SHISAL1: variants seen among roughly 807,000 people sequenced by gnomAD.
SHISAL1 encodes shisa like 1.
SHISAL1 carries 9 observed loss-of-function variants against 22.6 expected under a neutral mutation model. That is an observed-to-expected ratio of 0.40 (90% CI 0.24 to 0.70). The LOEUF is 0.70. Among genes scored for constraint, SHISAL1 ranks in the 30% least tolerant of loss-of-function variants. The probability of loss-of-function intolerance (pLI) is 0.39; values close to 1 mark genes in which losing one functional copy is unlikely to be tolerated. For synonymous variants in SHISAL1, 119 were observed against 115.4 expected (o/e 1.03, Z -0.20); for missense variants, 246 against 270.6 (o/e 0.91, Z 0.64).
At chr22:44,299,311 A>G (rs2055409648) in intron 2 of SHISAL1, among the ~76,000 whole-genome samples, 1 of 152,218 alleles carries the variant, frequency 6.6e-6, no homozygotes, top group Non-Finnish European at 1.5e-5. Flanking sequence ...CTGTGTGCAC[A>G]GCTCCACGTA....
chr22:44,296,251 C>T (rs1053046876), intron 3 of SHISAL1, among the ~76,000 whole-genome samples: 2 of 151,748 alleles, frequency 1.3e-5, no homozygotes, highest in Non-Finnish European at 1.5e-5. Context: ...CCTCTGCCTC[C>T]TGGGTTCAAG....
At chr22:44,306,078 G>C (rs2055469637) in intron 1 of SHISAL1, among the ~76,000 whole-genome samples, 1 of 152,242 alleles carries the variant, frequency 6.6e-6, no homozygotes, top group South Asian at 2.1e-4. Context: ...AGCTAGGTCA[G>C]AAAGCTACTT....
intron 4 of SHISAL1, among the ~76,000 whole-genome samples, chr22:44,253,858 A>C (rs937857345): frequency 2.2e-4 from 28 of 129,352 alleles, no homozygotes; most frequent in African/African-American, 8.4e-4. Context: ...GTGTGTGTAA[A>C]ACACAGTCTA....
At chr22:44,308,038 A>T (rs2055491766) in intron 1 of SHISAL1, among the ~76,000 whole-genome samples, 1 of 152,180 alleles carries the variant, frequency 6.6e-6, no homozygotes, top group Non-Finnish European at 1.5e-5. Flanking sequence ...CCACTGCAGG[A>T]CTGGGTCTAG....
chr22:44,313,193 A>G (rs1404301683), upstream of SHISAL1, among the ~76,000 whole-genome samples: 2 of 152,268 alleles, frequency 1.3e-5, no homozygotes, highest in Non-Finnish European at 2.9e-5. Context: ...TAGAAGCAGC[A>G]GGGGCTTAGA....
rs1296969171 is a variant in SHISAL1 at position 44,312,927 on chromosome 22, C to G, written c.-209G>C. On this transcript the variant is annotated 5_prime_UTR_variant, in exon 1 of 5. Coordinates refer to ENST00000381176, the MANE Select transcript of SHISAL1 (RefSeq NM_001099294.2). ...AGTGTTTTCCAGCGCAGGCTGGCCTCTGTGTGCTGACAAGAATTCAGTGTG... is the reference window on the plus strand; with the variant it reads ...AGTGTTTTCCAGCGCAGGCTGGCCTGTGTGTGCTGACAAGAATTCAGTGTG... 1 of 152,400 alleles carries G rather than the reference C, an allele frequency of 6.6e-6. No individual in the cohort carries two copies. Among genetic ancestry groups the G allele is most frequent in the Non-Finnish European group, 1.5e-5 (1 of 68,148 alleles). The allele number at this position is 152,400 out of a possible 1,614,324, so 9.4% of individuals were successfully genotyped here. A position where few individuals can be genotyped will look rare whatever the true frequency, so the allele number is the denominator to read the frequency against.
intron 1 of SHISAL1, among the ~76,000 whole-genome samples, chr22:44,306,050 G>A (rs776264599): frequency 2.0e-5 from 3 of 152,230 alleles, no homozygotes; most frequent in Non-Finnish European, 4.4e-5. Context: ...AAGCTTAGAA[G>A]CCAACCTCCC....
chr22:44,312,294 C>A (rs974879102), intron 1 of SHISAL1, among the ~76,000 whole-genome samples: 1 of 152,140 alleles, frequency 6.6e-6, no homozygotes, highest in Non-Finnish European at 1.5e-5. Context: ...TCGAACAGAC[C>A]CACCTCACCC....
chr22:44,299,895 G>GAGAGAC (rs377363593), intron 2 of SHISAL1, among the ~76,000 whole-genome samples: 1 of 151,814 alleles, frequency 6.6e-6, no homozygotes, highest in African/African-American at 2.4e-5. Flanking sequence ...GACAGAGACA[G>GAGAGAC]AGAGACAGAG....
At chr22:44,298,983 G>A (rs944735309) in intron 2 of SHISAL1, among the ~76,000 whole-genome samples, 5 of 152,208 alleles carry the variant, frequency 3.3e-5, no homozygotes, top group African/African-American at 1.2e-4. Context: ...GGCTGCCTGG[G>A]CCATCGTGAC....
In SHISAL1 at chr22:44,285,548, T is replaced by C; in HGVS notation, c.479A>G (p.Gln160Arg). The change falls in exon 4 of 5, where the codon CAG becomes CGG. Residue 160 changes from glutamine to arginine, a missense_variant. Gln to Arg is a conservative substitution (Grantham distance 43). This residue lies in a region of SHISAL1 where 136 missense variants were observed against 117.5 expected (regional missense o/e 1.16). Coordinates refer to ENST00000381176, the MANE Select transcript of SHISAL1 (RefSeq NM_001099294.2). ...GGGAGGCTGCGGCTGTGGGGCCCGC[T>C]GACCCGGCCGAGGGGCCCGAGCGGG... ...GNPARAPRPG[Q>R]RAPQPQPPPG... 6.5e-7 allele frequency: 1 copy of C among 1,538,494 alleles called. No individual in the cohort carries two copies. Among genetic ancestry groups the C allele is most frequent in the Non-Finnish European group, 9.0e-7 (1 of 1,114,836 alleles).
chr22:44,304,216 G>A (rs2055454142), intron 1 of SHISAL1, among the ~76,000 whole-genome samples: 1 of 152,224 alleles, frequency 6.6e-6, no homozygotes, highest in South Asian at 2.1e-4. Flanking sequence ...ACTGGGGGCA[G>A]AGTTAGGGCT....
upstream of SHISAL1, among the ~76,000 whole-genome samples, chr22:44,317,274 G>A (rs1221521936): frequency 6.6e-6 from 1 of 152,240 alleles, no homozygotes; most frequent in Admixed American, 6.5e-5. Flanking sequence ...TGGATCAGCT[G>A]CTGCACCGAC....
intron 3 of SHISAL1, among the ~76,000 whole-genome samples, chr22:44,295,057 G>C (rs890884351): frequency 1.3e-5 from 2 of 152,100 alleles, no homozygotes; most frequent in African/African-American, 4.8e-5. Context: ...GATTTTTTTG[G>C]GGGGAGGTAG....
intron 1 of SHISAL1, among the ~76,000 whole-genome samples, chr22:44,304,007 G>T (rs189889580): frequency 8.5e-5 from 13 of 152,214 alleles, no homozygotes; most frequent in African/African-American, 3.1e-4. Context: ...CAGACCACAC[G>T]TTTCTGAAAG....
At chr22:44,328,821 G>C in the SHISAL1 span, among the ~76,000 whole-genome samples, 1 of 151,916 alleles carries the variant, frequency 6.6e-6, no homozygotes, top group Non-Finnish European at 1.5e-5. Context: ...CAAGCTGGGG[G>C]TAGTGTTGTC....
intron 4 of SHISAL1, among the ~76,000 whole-genome samples, chr22:44,273,974 T>A (rs112206711): frequency 0.019 from 2,960 of 152,134 alleles, 106 homozygotes; most frequent in African/African-American, 0.068. Context: ...TTCTAGCACT[T>A]TGGGAGGCTG....
At chr22:44,323,992 A>G in the SHISAL1 span, among the ~76,000 whole-genome samples, 1 of 152,252 alleles carries the variant, frequency 6.6e-6, no homozygotes, top group African/African-American at 2.4e-5. Context: ...ATGAGGAAAC[A>G]GGCTCAGAGA....
Position 44,271,673 on chromosome 22 carries a change from C to G in SHISAL1, c.599+13755G>C, listed in dbSNP as rs192161177. Among the ~76,000 whole-genome samples the G allele has an allele frequency of 2.2e-3, 338 of 152,278 alleles. 1 individual carries two copies. Among genetic ancestry groups the G allele is most frequent in the Non-Finnish European group, 3.1e-3 (210 of 68,030 alleles). On this transcript the variant is annotated intron_variant, in intron 4 of 4. Coordinates refer to ENST00000381176, the MANE Select transcript of SHISAL1 (RefSeq NM_001099294.2). The stretch of plus-strand genomic sequence containing the variant: ...GATGGAGATAAATTCCTTCTCCACT[C>G]GCTCTGCCCTGCAAAGCCTAATCTG...
Sources: gnomAD v4.1 joint callset for allele counts (sites outside exome capture counted in the v4.1 genomes callset) on GRCh38, gnomAD v4.1.1 for gene constraint, gnomAD v4.1.1 regional missense constraint, MANE v1.5 for transcripts, NCBI Gene and HGNC (gene_info 2026-07-23, HGNC 2026-07-21) for gene names.